Variants in TAPBP observed in about 807,000 individuals in gnomAD.
TAPBP encodes the protein TAP binding protein.
A neutral mutation model predicts 45.7 loss-of-function variants in TAPBP; 38 were observed. The ratio of observed to expected loss-of-function variants is 0.83; its 90% CI spans 0.64 to 1.09. The LOEUF (loss-of-function observed/expected upper bound fraction) is 1.09, where lower values mean the gene tolerates loss of function less well. Among genes scored for constraint, TAPBP ranks in the 50% least tolerant of loss-of-function variants. The probability of loss-of-function intolerance (pLI) is 0.00; values close to 1 mark genes in which losing one functional copy is unlikely to be tolerated. For missense variants in TAPBP, 513 were observed against 587.3 expected (o/e 0.87, Z 1.31); for synonymous variants, 226 against 254.8 (o/e 0.89, Z 1.08).
In TAPBP at chr6:33,305,415, G is replaced by A; in HGVS notation, c.470-28C>T. ...GAGGAAGACAGGGAGATGAGGGGTT[G>A]GGAGGGGCATGAGGGAGAGAAAGAA... is the stretch of plus-strand genomic sequence containing the variant. On this transcript the variant is annotated intron_variant, in intron 3 of 7. Transcript: ENST00000434618. The surrounding 1 kb of genome is among the most constrained non-coding windows in gnomAD (Gnocchi z 4.4). 2.0e-6 allele frequency: 3 copies of A among 1,503,850 alleles called. No individual in the cohort carries two copies. The highest frequency in any genetic ancestry group is 2.7e-5 in the South Asian group (2 of 73,006). 93.2% of individuals were successfully genotyped at this position (1,503,850 alleles called of 1,614,324 possible).
chr6:33,312,979 C>A (rs1056810842), intron 3 of TAPBP: 4 of 435,026 alleles, frequency 9.2e-6, no homozygotes, highest in Non-Finnish European at 1.2e-5. Context: ...CCCGGCCCTG[C>A]TTTCCCCCTA....
In TAPBP at chr6:33,313,457, C is replaced by T; in HGVS notation, c.229G>A (p.Ala77Thr). 6.3e-7 allele frequency: 1 copy of T among 1,581,080 alleles called. No individual in the cohort carries two copies. The highest frequency in any genetic ancestry group is 2.3e-5 in the East Asian group (1 of 43,982). Residue 77 changes from alanine (A) to threonine (T), a missense_variant, in exon 3 of 8, where the codon GCT becomes ACT. Transcript: ENST00000434618. The surrounding 1 kb of genome is among the most constrained non-coding windows in gnomAD (Gnocchi z 7.2). ...CCCCGGGGATACCGCCTGAAGGCAG[C>T]CTGGAGGGCGCCCGCGGGGTCTGAG... ...SVHDPAGALQ[A>T]AFRRYPRGAP...
intron 7 of TAPBP, among the ~76,000 whole-genome samples, chr6:33,302,604 G>C (rs554493360): frequency 6.6e-6 from 1 of 151,510 alleles, no homozygotes; most frequent in South Asian, 2.1e-4. Flanking sequence ...TAGGATTACA[G>C]GCGTGAACCA....
At chr6:33,304,935 C>T in intron 4 of TAPBP, 54 bp downstream of exon 4, 1 of 1,591,724 alleles carries the variant, frequency 6.3e-7, no homozygotes, top group East Asian at 2.2e-5. Context: ...TATTACGGTC[C>T]CCACAATCCA....
rs1460125952 is a variant in TAPBP at position 33,305,902 on chromosome 6, T to C, written c.470-515A>G. 4.6e-5 allele frequency among the ~76,000 whole-genome samples: 7 copies of C among 152,248 alleles called. No homozygotes were observed. Among genetic ancestry groups the C allele is most frequent in the African/African-American group, 1.7e-4 (7 of 41,470 alleles). On this transcript the variant is annotated intron_variant, in intron 3 of 7. Coordinates refer to ENST00000434618, the MANE Select transcript of TAPBP (RefSeq NM_003190.5). The surrounding 1 kb of genome is among the most constrained non-coding windows in gnomAD (Gnocchi z 4.4). ...AGACCTCTATGCTCTACTGAAGCAG[T>C]ACAGTGCAGTGGCTAAGTGCCTGGA...
intron 3 of TAPBP, chr6:33,308,149 C>T (rs1428173521): frequency 1.4e-5 from 2 of 146,970 alleles, no homozygotes; most frequent in African/African-American, 2.5e-5. Context: ...ATGGTGAAAC[C>T]CCATCTCTAC....
chr6:33,304,436 A>G lies in TAPBP; in HGVS notation c.1071T>C (p.Asp357=). The G allele has an allele frequency of 6.2e-7, 1 of 1,611,892 alleles. No homozygotes were observed. The highest frequency in any genetic ancestry group is 8.5e-7 in the Non-Finnish European group (1 of 1,178,904). Reference sequence around the variant, plus strand: ...AGTGCCCAGAGAGGCTGACAGAGCCATCGGAATGGTGGCGCAGGGCCGAGA... The same window carrying G: ...AGTGCCCAGAGAGGCTGACAGAGCCGTCGGAATGGTGGCGCAGGGCCGAGA... ...RWLSALRHHS[D]GSVSLSGHLQ... Residue 357 remains aspartate (D), a synonymous_variant, in exon 5 of 8, where the codon GAT becomes GAC. Coordinates refer to ENST00000434618, the MANE Select transcript of TAPBP (RefSeq NM_003190.5).
chr6:33,314,052 C>T lies in TAPBP; in HGVS notation c.-11G>A. 1 of 1,613,912 alleles carries T rather than the reference C, an allele frequency of 6.2e-7. No homozygotes were observed. Among genetic ancestry groups the T allele is most frequent in the Non-Finnish European group, 8.5e-7 (1 of 1,179,984 alleles). On this transcript the variant is annotated 5_prime_UTR_variant, in exon 1 of 8. Transcript: ENST00000434618. Reference sequence around the variant, plus strand: ...AGACAGGGACTTCATGGCGCTGCGACCTCCTCAGCCATGAAGCCTCCTCTT... The same window carrying T: ...AGACAGGGACTTCATGGCGCTGCGATCTCCTCAGCCATGAAGCCTCCTCTT...
chr6:33,309,597 C>T (rs1351668820), intron 3 of TAPBP, among the ~76,000 whole-genome samples: 1 of 95,434 alleles, frequency 1.0e-5, no homozygotes, highest in African/African-American at 5.1e-5. Context: ...TACAGTTTAA[C>T]TCTTTTTTTT....
rs1562687682 is a variant in TAPBP at position 33,304,803 on chromosome 6, A to G, written c.869-165T>C. ...CCATTGGTGCGTCACAGAAATACCC[A>G]TGTCAAAGCCCCTCAAATTTCCAGG... On this transcript the variant is annotated intron_variant, in intron 4 of 7. Coordinates refer to ENST00000434618, the MANE Select transcript of TAPBP (RefSeq NM_003190.5). 4.8e-6 allele frequency: 6 copies of G among 1,246,776 alleles called. No individual in the cohort carries two copies. In the Middle Eastern group the frequency reaches 8.6e-4, roughly 179 times the overall value. The allele number at this position is 1,246,776 out of a possible 1,614,324, so 77.2% of individuals were successfully genotyped here.
In TAPBP at chr6:33,304,418, A is replaced by G. The variant is rs772506125; in HGVS notation, c.1089T>C (p.Ser363=). 1.2e-6 allele frequency: 2 copies of G among 1,612,344 alleles called. No individual in the cohort carries two copies. The highest frequency in any genetic ancestry group is 4.5e-5 in the East Asian group (2 of 44,822). Residue 363 remains serine (S), a synonymous_variant, in exon 5 of 8, where the codon TCT becomes TCC. Transcript: ENST00000434618. ...RHHSDGSVSL[S]GHLQPPPVTT... Reference sequence around the variant, plus strand: ...TGACTGGGGGCGGCTGCAAGTGCCCAGAGAGGCTGACAGAGCCATCGGAAT... The same window carrying G: ...TGACTGGGGGCGGCTGCAAGTGCCCGGAGAGGCTGACAGAGCCATCGGAAT...
At position 33,305,233 on chromosome 6, in the gene TAPBP, G is replaced by A; in HGVS notation, c.624C>T (p.Arg208=). 1 of 1,613,426 alleles carries A rather than the reference G, an allele frequency of 6.2e-7. No individual in the cohort carries two copies. Among genetic ancestry groups the A allele is most frequent in the Non-Finnish European group, 8.5e-7 (1 of 1,179,530 alleles). Residue 208 remains arginine (R), a synonymous_variant, in exon 4 of 8, where the codon CGC becomes CGT. Transcript: ENST00000434618. The surrounding 1 kb of genome is among the most constrained non-coding windows in gnomAD (Gnocchi z 4.4). ...GPPPFGLEWR[R]QHLGKGHLLL... is the part of the protein sequence containing the mutation. Reference sequence around the variant, plus strand: ...GCAGATGTCCCTTACCCAGGTGCTGGCGTCGCCACTCTAGCCCAAAGGGAG... The same window carrying A: ...GCAGATGTCCCTTACCCAGGTGCTGACGTCGCCACTCTAGCCCAAAGGGAG...
At chr6:33,308,519 C>T (rs974588835) in intron 3 of TAPBP, among the ~76,000 whole-genome samples, 2 of 152,100 alleles carry the variant, frequency 1.3e-5, no homozygotes, top group African/African-American at 4.8e-5. Context: ...CACATAGAAC[C>T]CCTTTCTTGT....
rs770421374 is a variant in TAPBP at position 33,303,786 on chromosome 6, G to C, written c.1335+169C>G. ...AGGAAACATATAGATTAAGTAGCAT[G>C]CTCAAAGAGTCCTACAGTTAGGATA... On this transcript the variant is annotated intron_variant, in intron 7 of 7. Transcript: ENST00000434618. 3 of 1,556,444 alleles carry C rather than the reference G, an allele frequency of 1.9e-6. No individual in the cohort carries two copies. The African/African-American group carries it at 4.1e-5, about 21-fold the overall frequency.
In TAPBP at chr6:33,305,520, A is replaced by G; in HGVS notation, c.470-133T>C. 2 of 1,031,604 alleles carry G rather than the reference A, an allele frequency of 1.9e-6. No individual in the cohort carries two copies. The highest frequency in any genetic ancestry group is 1.9e-5 in the South Asian group (1 of 51,738). 63.9% of individuals were successfully genotyped at this position (1,031,604 alleles called of 1,614,324 possible). ...CACCCCTCAGAGGACACCTTTTCTG[A>G]TACTCACCATTTCCTAGCCCTCCCT... is the stretch of plus-strand genomic sequence containing the variant. On this transcript the variant is annotated intron_variant, in intron 3 of 7. Coordinates refer to ENST00000434618, the MANE Select transcript of TAPBP (RefSeq NM_003190.5). The surrounding 1 kb of genome is among the most constrained non-coding windows in gnomAD (Gnocchi z 4.4).
In TAPBP at chr6:33,305,701, G is replaced by A. The variant is rs1233683025; in HGVS notation, c.470-314C>T. On this transcript the variant is annotated intron_variant, in intron 3 of 7. Coordinates refer to ENST00000434618, the MANE Select transcript of TAPBP (RefSeq NM_003190.5). This position sits in a 1 kb window ranked among gnomAD's most constrained non-coding sequence, Gnocchi z 4.4. The stretch of plus-strand genomic sequence containing the variant: ...TCTAGCTCGGGGGACTGCAGAATCC[G>A]AGGCCACTTCTGACACAACCTGAAC... Among the ~76,000 whole-genome samples the A allele has an allele frequency of 3.9e-5, 6 of 152,108 alleles. No homozygotes were observed. In the East Asian group the frequency reaches 1.2e-3, roughly 29 times the overall value.
Position 33,301,775 on chromosome 6 carries a change from G to A in TAPBP, c.1336-4C>T, listed in dbSNP as rs371464306. On this transcript the variant is annotated splice_polypyrimidine_tract_variant and splice_region_variant and intron_variant, in intron 7 of 7. Transcript: ENST00000434618. ...GTGAGTGCCCTCACTCTGCTTTCTG[G>A]AAGAGAGGAAGGTGGTGAGGAATTC... 1 of 1,613,996 alleles carries A rather than the reference G, an allele frequency of 6.2e-7. No homozygotes were observed. Among genetic ancestry groups the A allele is most frequent in the Non-Finnish European group, 8.5e-7 (1 of 1,179,998 alleles).
chr6:33,305,374 G>T lies in TAPBP; in HGVS notation c.483C>A (p.Val161=). 1 of 1,525,930 alleles carries T rather than the reference G, an allele frequency of 6.6e-7. No homozygotes were observed. The highest frequency in any genetic ancestry group is 1.3e-5 in the South Asian group (1 of 75,946). The allele number at this position is 1,525,930 out of a possible 1,614,324, so 94.5% of individuals were successfully genotyped here. A position where few individuals can be genotyped will look rare whatever the true frequency, so the allele number is the denominator to read the frequency against. ...LITMATVVLT[V]LTHTPAPRVR... is the part of the protein sequence containing the mutation. The stretch of plus-strand genomic sequence containing the variant: ...CTCGAGGGGCAGGGGTGTGGGTGAG[G>T]ACAGTCAGTACCACTGAGGAAGACA... The change falls in exon 4 of 8, where the codon GTC becomes GTA. Residue 161 remains valine, a synonymous_variant. Transcript: ENST00000434618. This position sits in a 1 kb window ranked among gnomAD's most constrained non-coding sequence, Gnocchi z 4.4.
At chr6:33,311,858 C>T (rs1769373235) in intron 3 of TAPBP, among the ~76,000 whole-genome samples, 3 of 152,092 alleles carry the variant, frequency 2.0e-5, no homozygotes, top group Admixed American at 1.3e-4. Context: ...CTTAAGGGCA[C>T]CCAGGGCCAC....
Sources: allele counts gnomAD v4.1 joint callset (sites outside exome capture counted in the v4.1 genomes callset), GRCh38; gene constraint gnomAD v4.1.1; non-coding constraint Gnocchi (gnomAD v3.1); transcripts MANE v1.5; gene names NCBI Gene and HGNC (gene_info 2026-07-23, HGNC 2026-07-21).